Variants in SHISAL1 observed in about 807,000 individuals in gnomAD.
The protein encoded by SHISAL1 is shisa like 1, also known as protein shisa-like-1.
SHISAL1 carries 9 observed loss-of-function variants against 22.6 expected under a neutral mutation model. The observed-to-expected ratio is 0.40, with a 90% confidence interval of 0.24 to 0.70. The LOEUF is 0.70. Ranked by LOEUF, SHISAL1 falls within the 30% of genes least tolerant of loss-of-function variation. The pLI, the probability that SHISAL1 is intolerant of heterozygous loss-of-function variation, is 0.39. For missense variants in SHISAL1, 246 were observed against 270.6 expected (o/e 0.91, Z 0.64); for synonymous variants, 119 against 115.4 (o/e 1.03, Z -0.20).
chr22:44,283,655 G>A (rs527932872), intron 4 of SHISAL1, among the ~76,000 whole-genome samples: 7 of 152,334 alleles, frequency 4.6e-5, no homozygotes, highest in East Asian at 1.9e-4. Context: ...AGTGTTCGGC[G>A]AGGTGTGAGC....
At chr22:44,255,773 C>A (rs969641811) in intron 4 of SHISAL1, among the ~76,000 whole-genome samples, 17 of 152,352 alleles carry the variant, frequency 1.1e-4, no homozygotes, top group East Asian at 1.9e-4. Context: ...GCCCTTCCCA[C>A]CCCATCACCT....
chr22:44,296,713 C>T lies in SHISAL1; in HGVS notation c.240G>A (p.Met80Ile). 1 of 1,614,096 alleles carries T rather than the reference C, an allele frequency of 6.2e-7. No individual in the cohort carries two copies. Among genetic ancestry groups the T allele is most frequent in the Non-Finnish European group, 8.5e-7 (1 of 1,180,044 alleles). ...CGGAGCTGGCCGTGAGGTTCGCCTG[C>T]ATCACCGCCTGGAACTCCGTCTCGT... Reference protein sequence around the residue: ...CCNETEFQAVMQANLTASSEG... With the variant: ...CCNETEFQAVIQANLTASSEG... The change falls in exon 3 of 5, where the codon ATG becomes ATA. Residue 80 changes from methionine to isoleucine, a missense_variant. Around this residue, in one of 2 missense-constraint regions of SHISAL1, gnomAD observed 110 missense variants for 153.1 expected, o/e 0.72. Coordinates refer to ENST00000381176, the MANE Select transcript of SHISAL1 (RefSeq NM_001099294.2).
At chr22:44,261,127 G>T (rs135433) in intron 4 of SHISAL1, among the ~76,000 whole-genome samples, 3,437 of 126,186 alleles carry the variant, frequency 0.027, 67 homozygotes, top group Non-Finnish European at 0.044. Flanking sequence ...TGCAGAAAAT[G>T]AAATATTTCA....
chr22:44,254,862 C>A (rs745878359), intron 4 of SHISAL1, among the ~76,000 whole-genome samples: 3 of 152,230 alleles, frequency 2.0e-5, no homozygotes, highest in African/African-American at 7.2e-5. Context: ...TTCTCACCAT[C>A]ACTTAGCCCC....
chr22:44,297,414 C>A (rs189748627), intron 2 of SHISAL1, among the ~76,000 whole-genome samples: 186 of 152,368 alleles, frequency 1.2e-3, no homozygotes, highest in South Asian at 3.1e-3. Flanking sequence ...GGTGGACCTG[C>A]TGCTCAGCCC....
At chr22:44,287,267 T>C (rs1429001074) in intron 3 of SHISAL1, among the ~76,000 whole-genome samples, 1 of 152,184 alleles carries the variant, frequency 6.6e-6, no homozygotes, top group Non-Finnish European at 1.5e-5. Context: ...GTGGCCTCTG[T>C]AGGAAGATGG....
At chr22:44,282,916 C>G (rs572560315) in intron 4 of SHISAL1, among the ~76,000 whole-genome samples, 2 of 152,296 alleles carry the variant, frequency 1.3e-5, no homozygotes, top group African/African-American at 2.4e-5. Flanking sequence ...GGCTGGGCCA[C>G]CCGGGGACCA....
At chr22:44,270,322 C>T (rs1211781203) in intron 4 of SHISAL1, among the ~76,000 whole-genome samples, 3 of 152,200 alleles carry the variant, frequency 2.0e-5, no homozygotes, top group Admixed American at 2.0e-4. Context: ...AGCGGCACTC[C>T]AGTAAGTGTA....
rs1003289784 is a variant in SHISAL1 at position 44,296,791 on chromosome 22, C to T, written c.162G>A (p.Lys54=). 3.7e-6 allele frequency: 6 copies of T among 1,613,998 alleles called. No individual in the cohort carries two copies. The highest frequency in any genetic ancestry group is 5.1e-6 in the Non-Finnish European group (6 of 1,180,018). The change falls in exon 3 of 5, where the codon AAG becomes AAA. Residue 54 remains lysine (K), a synonymous_variant. Coordinates refer to ENST00000381176, the MANE Select transcript of SHISAL1 (RefSeq NM_001099294.2). Reference sequence around the variant, plus strand: ...TATGGTGACAACAGAGGATGAAGGTCTTGTTGTCCGAGAGCCGGGGGCAGT... The same window carrying T: ...TATGGTGACAACAGAGGATGAAGGTTTTGTTGTCCGAGAGCCGGGGGCAGT... The part of the protein sequence containing the change: ...GFHCPRLSDN[K]TFILCCHHNN...
In SHISAL1 at chr22:44,285,575, T is replaced by A. The variant is rs1258250207; in HGVS notation, c.452A>T (p.Asn151Ile). Residue 151 changes from asparagine to isoleucine, a missense_variant, in exon 4 of 5, where the codon AAC (asparagine) becomes ATC (isoleucine). Transcript: ENST00000381176. ...ACCCGGCCGAGGGGCCCGAGCGGGG[T>A]TCCCCCACCGCCGGGGGTCCTGTTT... Reference protein sequence around the residue: ...WMKQDPRRWGNPARAPRPGQR... With the variant: ...WMKQDPRRWGIPARAPRPGQR... 6.2e-7 allele frequency: 1 copy of A among 1,613,214 alleles called. No homozygotes were observed. The highest frequency in any genetic ancestry group is 1.1e-5 in the South Asian group (1 of 91,030).
At chr22:44,285,252 A>G (rs939951778) in intron 4 of SHISAL1, among the ~76,000 whole-genome samples, 176 bp downstream of exon 4, 5 of 152,210 alleles carry the variant, frequency 3.3e-5, no homozygotes, top group Admixed American at 2.0e-4. Context: ...TTTCCTGTCT[A>G]GGCATGTGTT....
intron 2 of SHISAL1, 122 bp from the exon 3 acceptor site, chr22:44,297,007 T>G: frequency 1.4e-6 from 1 of 716,922 alleles, no homozygotes. Flanking sequence ...TGGATGCCTT[T>G]GTGGTCCACT....
chr22:44,257,531 T>C (rs1601776535), intron 4 of SHISAL1, among the ~76,000 whole-genome samples: 1 of 152,228 alleles, frequency 6.6e-6, no homozygotes, highest in Non-Finnish European at 1.5e-5. Flanking sequence ...CTTCCTCCCC[T>C]GGGCAATTTC....
intron 2 of SHISAL1, among the ~76,000 whole-genome samples, chr22:44,298,789 C>T (rs1198687872): frequency 2.0e-5 from 3 of 152,128 alleles, no homozygotes; most frequent in Admixed American, 1.3e-4. Flanking sequence ...GCAGGCCCGG[C>T]GAGGTTGGGG....
chr22:44,301,101 GC>G, intron 1 of SHISAL1, 124 bp from the exon 2 acceptor site: 1 of 619,360 alleles, frequency 1.6e-6, no homozygotes, highest in Non-Finnish European at 2.9e-6. Flanking sequence ...GGGAGCAGGG[GC>G]CGGGTGCGGA....
chr22:44,276,897 C>T (rs1428307872), intron 4 of SHISAL1, among the ~76,000 whole-genome samples: 3 of 152,056 alleles, frequency 2.0e-5, no homozygotes, highest in Admixed American at 6.6e-5. Flanking sequence ...AGATGATGAA[C>T]GAGCTGCAAA....
At chr22:44,269,535 A>G (rs2055191381) in intron 4 of SHISAL1, among the ~76,000 whole-genome samples, 1 of 146,958 alleles carries the variant, frequency 6.8e-6, no homozygotes, top group African/African-American at 2.5e-5. Flanking sequence ...ATATACACAC[A>G]CACCATGCCA....
chr22:44,321,106 A>T, the SHISAL1 span, among the ~76,000 whole-genome samples: 1 of 152,130 alleles, frequency 6.6e-6, no homozygotes, highest in Non-Finnish European at 1.5e-5. Context: ...GTCTAATGGT[A>T]GCAATGTCTG....
At chr22:44,309,403 C>A (rs1435908497) in intron 1 of SHISAL1, among the ~76,000 whole-genome samples, 28 of 152,300 alleles carry the variant, frequency 1.8e-4, no homozygotes, top group Non-Finnish European at 4.0e-4. Context: ...TAGGCAGCGG[C>A]CCAGCAGAAG....
Sources: gnomAD v4.1 joint callset for allele counts (sites outside exome capture counted in the v4.1 genomes callset) on GRCh38, gnomAD v4.1.1 for gene constraint, gnomAD v4.1.1 regional missense constraint, MANE v1.5 for transcripts, NCBI Gene and HGNC (gene_info 2026-07-23, HGNC 2026-07-21) for gene names.